The following CNTNAP2 variants were observed in gnomAD, a reference collection of about 807,000 sequenced individuals.
CNTNAP2 encodes the protein contactin-associated protein-like 2.
CNTNAP2 carries 98 observed loss-of-function variants against 155.2 expected under a neutral mutation model. The ratio of observed to expected loss-of-function variants is 0.63; its 90% confidence interval spans 0.54 to 0.75. CNTNAP2 has a LOEUF of 0.75. Ranked by LOEUF, CNTNAP2 falls within the 30% of genes least tolerant of loss-of-function variation. The pLI is 0.00. For synonymous variants in CNTNAP2, 651 were observed against 631.2 expected (o/e 1.03, Z -0.47); for missense variants, 1,727 against 1,688.1 (o/e 1.02, Z -0.40).
At chr7:148,006,009 T>C (rs531098580) in intron 15 of CNTNAP2, among the ~76,000 whole-genome samples, 1 of 152,212 alleles carries the variant, frequency 6.6e-6, no homozygotes, top group Non-Finnish European at 1.5e-5. Context: ...TGATTTCAAG[T>C]CTGTATCACT....
intron 1 of CNTNAP2, among the ~76,000 whole-genome samples, chr7:146,438,880 A>T (rs1796280247): frequency 6.6e-6 from 1 of 151,582 alleles, no homozygotes; most frequent in African/African-American, 2.4e-5. Flanking sequence ...TCTCGGGCAC[A>T]CACTTGTTGA....
intron 10 of CNTNAP2, among the ~76,000 whole-genome samples, chr7:147,485,665 C>A (rs940673300): frequency 2.1e-4 from 32 of 152,270 alleles, no homozygotes; most frequent in African/African-American, 7.2e-4. Context: ...TAAAATGAAT[C>A]TGTGATATTC....
intron 6 of CNTNAP2, among the ~76,000 whole-genome samples, chr7:147,123,586 C>G (rs1273752423): frequency 1.3e-5 from 2 of 152,242 alleles, no homozygotes; most frequent in African/African-American, 4.8e-5. Context: ...GACAAAGAAT[C>G]AGGGTAGACT....
chr7:147,412,491 C>T (rs751889389), intron 10 of CNTNAP2, among the ~76,000 whole-genome samples: 1 of 152,180 alleles, frequency 6.6e-6, no homozygotes, highest in Non-Finnish European at 1.5e-5. Context: ...TATAATCACA[C>T]ATTCAAGACT....
intron 3 of CNTNAP2, among the ~76,000 whole-genome samples, chr7:147,033,571 A>G (rs187616516): frequency 2.0e-5 from 3 of 152,188 alleles, no homozygotes; most frequent in East Asian, 3.9e-4. Context: ...GTTTTTGTAC[A>G]TCCAGAAATA....
At chr7:147,262,647 A>G (rs1804503118) in intron 8 of CNTNAP2, among the ~76,000 whole-genome samples, 1 of 152,168 alleles carries the variant, frequency 6.6e-6, no homozygotes, top group Non-Finnish European at 1.5e-5. Context: ...CACTAAAAAT[A>G]CAAAAAAAAT....
At chr7:146,479,302 T>C (rs1034713651) in intron 1 of CNTNAP2, among the ~76,000 whole-genome samples, 6 of 152,208 alleles carry the variant, frequency 3.9e-5, no homozygotes, top group Non-Finnish European at 8.8e-5. Flanking sequence ...TGTGCTTCTG[T>C]TCAATAAACA....
intron 1 of CNTNAP2, among the ~76,000 whole-genome samples, chr7:146,278,159 T>A (rs781113309): frequency 7.9e-5 from 12 of 152,176 alleles, no homozygotes; most frequent in Non-Finnish European, 1.5e-4. Flanking sequence ...GATGGGCTAA[T>A]ACAATTCCAT....
chr7:147,828,005 C>T (rs1368468685), intron 13 of CNTNAP2, among the ~76,000 whole-genome samples: 1 of 152,054 alleles, frequency 6.6e-6, no homozygotes, highest in Non-Finnish European at 1.5e-5. Context: ...AACACACGAT[C>T]CTTTAGGGTA....
intron 1 of CNTNAP2, among the ~76,000 whole-genome samples, chr7:146,414,169 T>C (rs1455595820): frequency 2.0e-5 from 3 of 152,178 alleles, no homozygotes; most frequent in Admixed American, 6.5e-5. Context: ...TATATTTACA[T>C]GCATGTATAG....
intron 4 of CNTNAP2, among the ~76,000 whole-genome samples, chr7:147,060,297 G>T (rs988894314): frequency 1.3e-5 from 2 of 152,154 alleles, no homozygotes; most frequent in African/African-American, 4.8e-5. Context: ...AATAAACTGT[G>T]TTGAACAGCC....
intron 21 of CNTNAP2, among the ~76,000 whole-genome samples, chr7:148,288,827 C>G (rs1263956644): frequency 6.6e-6 from 1 of 150,556 alleles, no homozygotes; most frequent in Non-Finnish European, 1.5e-5. Context: ...TTAAATTTAG[C>G]AAATATTTCT....
intron 13 of CNTNAP2, among the ~76,000 whole-genome samples, chr7:147,848,200 T>A (rs367713745): frequency 3.5e-5 from 5 of 141,900 alleles, no homozygotes; most frequent in Admixed American, 2.2e-4. Flanking sequence ...CCCAGCCTCG[T>A]TGCCGCCTTG....
chr7:146,275,645 TA>T (rs1287620713), intron 1 of CNTNAP2, among the ~76,000 whole-genome samples: 1 of 152,190 alleles, frequency 6.6e-6, no homozygotes, highest in African/African-American at 2.4e-5. Flanking sequence ...ATAAGAAATG[TA>T]AATCACATAA....
intron 3 of CNTNAP2, among the ~76,000 whole-genome samples, chr7:146,933,336 G>T (rs1796826059): frequency 6.6e-6 from 1 of 152,042 alleles, no homozygotes; most frequent in South Asian, 2.1e-4. Flanking sequence ...AGGCAATGGG[G>T]AAAGGATTCC....
At chr7:146,421,324 A>G (rs1044416442) in intron 1 of CNTNAP2, among the ~76,000 whole-genome samples, 5 of 152,054 alleles carry the variant, frequency 3.3e-5, no homozygotes, top group African/African-American at 1.2e-4. Context: ...TACAGAAATA[A>G]TGAAGCATAA....
intron 1 of CNTNAP2, among the ~76,000 whole-genome samples, chr7:146,275,992 A>G (rs918511639): frequency 2.6e-5 from 4 of 152,204 alleles, no homozygotes; most frequent in African/African-American, 9.6e-5. Flanking sequence ...CAAATATCCT[A>G]TAATGTACAA....
intron 21 of CNTNAP2, among the ~76,000 whole-genome samples, chr7:148,300,726 G>A (rs945635115): frequency 7.1e-4 from 108 of 152,290 alleles, no homozygotes; most frequent in Middle Eastern, 3.4e-3. Flanking sequence ...TACAACATGG[G>A]TGAACCTTAA....
chr7:147,262,662 T>G (rs1334932634), intron 8 of CNTNAP2, among the ~76,000 whole-genome samples: 1 of 152,054 alleles, frequency 6.6e-6, no homozygotes, highest in Non-Finnish European at 1.5e-5. Context: ...AAAAATTAGC[T>G]GGGCGTGGTG....
Sources: allele counts gnomAD v4.1 joint callset (sites outside exome capture counted in the v4.1 genomes callset), GRCh38; gene constraint gnomAD v4.1.1; transcripts MANE v1.5; gene names NCBI Gene and HGNC (gene_info 2026-07-23, HGNC 2026-07-21).